The following LRP1B variants were observed in gnomAD, a reference collection of about 807,000 sequenced individuals.
LRP1B encodes LDL receptor related protein 1B.
Under a neutral mutation model 556.6 loss-of-function variants are expected in LRP1B, and 217 were observed. The ratio of observed to expected loss-of-function variants is 0.39; its 90% CI spans 0.35 to 0.44. LRP1B has a LOEUF of 0.44. LRP1B is among the 20% of genes least tolerant of loss of function. The pLI is 1.00. For synonymous variants in LRP1B, 2,047 were observed against 1,865.8 expected (o/e 1.10, Z -2.50); for missense variants, 5,053 against 5,620.8 (o/e 0.90, Z 3.23).
intron 3 of LRP1B, among the ~76,000 whole-genome samples, chr2:141,418,637 G>C (rs1027479817): frequency 1.3e-5 from 2 of 151,998 alleles, no homozygotes; most frequent in Admixed American, 1.3e-4. Flanking sequence ...CTGTAGCTCT[G>C]TAATTAATGT....
intron 3 of LRP1B, among the ~76,000 whole-genome samples, chr2:141,383,683 C>T (rs1246336646): frequency 6.6e-6 from 1 of 152,122 alleles, no homozygotes; most frequent in African/African-American, 2.4e-5. Context: ...CTTTAAAAGG[C>T]AGGAAACACT....
chr2:140,826,831 G>C (rs923571304), intron 31 of LRP1B, among the ~76,000 whole-genome samples: 1 of 152,050 alleles, frequency 6.6e-6, no homozygotes, highest in Admixed American at 6.6e-5. Flanking sequence ...AGGGGAGGTG[G>C]GATTAGAAAC....
intron 3 of LRP1B, among the ~76,000 whole-genome samples, chr2:141,257,320 T>C (rs1684507834): frequency 6.6e-6 from 1 of 152,180 alleles, no homozygotes; most frequent in African/African-American, 2.4e-5. Context: ...CTAATTCATG[T>C]AGTCTCTACC....
intron 27 of LRP1B, among the ~76,000 whole-genome samples, chr2:140,862,715 A>G (rs765193669): frequency 6.6e-6 from 1 of 152,188 alleles, no homozygotes; most frequent in African/African-American, 2.4e-5. Context: ...TGACTAGTCT[A>G]GAGAATGTCT....
chr2:141,727,824 T>C (rs1033273759), intron 2 of LRP1B, among the ~76,000 whole-genome samples: 16 of 152,096 alleles, frequency 1.1e-4, no homozygotes, highest in East Asian at 3.9e-4. Context: ...TATATATATA[T>C]ACACACACAT....
chr2:141,634,931 T>G (rs1689053823), intron 2 of LRP1B, among the ~76,000 whole-genome samples: 1 of 151,934 alleles, frequency 6.6e-6, no homozygotes, highest in African/African-American at 2.4e-5. Flanking sequence ...TTATTATGAT[T>G]GTAAAATGAC....
At chr2:141,091,487 C>T (rs888736203) in intron 7 of LRP1B, among the ~76,000 whole-genome samples, 4 of 152,212 alleles carry the variant, frequency 2.6e-5, no homozygotes, top group African/African-American at 7.2e-5. Context: ...TCTCCACGTG[C>T]ACAGTGATTT....
intron 11 of LRP1B, among the ~76,000 whole-genome samples, chr2:141,040,837 A>T (rs1213027060): frequency 1.3e-5 from 2 of 152,134 alleles, no homozygotes; most frequent in South Asian, 2.1e-4. Flanking sequence ...ATAAGCAATC[A>T]CATGAATATA....
At chr2:141,982,958 T>C (rs1702082971) in intron 1 of LRP1B, among the ~76,000 whole-genome samples, 1 of 152,192 alleles carries the variant, frequency 6.6e-6, no homozygotes, top group Non-Finnish European at 1.5e-5. Flanking sequence ...AGAGCTGATG[T>C]TATGACTAAT....
At chr2:141,499,050 G>A (rs535307859) in intron 2 of LRP1B, among the ~76,000 whole-genome samples, 2 of 152,196 alleles carry the variant, frequency 1.3e-5, no homozygotes, top group African/African-American at 4.8e-5. Context: ...AACTACAGAA[G>A]AGAATTCATT....
intron 2 of LRP1B, among the ~76,000 whole-genome samples, chr2:141,514,850 A>G (rs1413333556): frequency 6.6e-6 from 1 of 152,158 alleles, no homozygotes; most frequent in Non-Finnish European, 1.5e-5. Context: ...AGTAAAAAAC[A>G]CAGAATGATT....
chr2:141,823,808 AC>A (rs1188515262), intron 1 of LRP1B, among the ~76,000 whole-genome samples: 1 of 152,112 alleles, frequency 6.6e-6, no homozygotes, highest in Admixed American at 6.5e-5. Flanking sequence ...AGCTAGGACT[AC>A]AGGTGTCCAC....
At chr2:140,508,249 C>CT (rs1689503999) in intron 52 of LRP1B, among the ~76,000 whole-genome samples, 1 of 152,068 alleles carries the variant, frequency 6.6e-6, no homozygotes, top group Admixed American at 6.5e-5. Context: ...AATATTATCA[C>CT]TTTTTCTTGA....
chr2:141,583,963 C>T (rs1249457954), intron 2 of LRP1B, among the ~76,000 whole-genome samples: 1 of 151,618 alleles, frequency 6.6e-6, no homozygotes, highest in Non-Finnish European at 1.5e-5. Context: ...TGGTCTTGAT[C>T]TCCTGATCTC....
At chr2:140,387,863 A>G (rs949814704) in intron 66 of LRP1B, among the ~76,000 whole-genome samples, 4 of 152,136 alleles carry the variant, frequency 2.6e-5, no homozygotes, top group Non-Finnish European at 4.4e-5. Context: ...CAGTTATAAT[A>G]AACTCTAAAA....
intron 1 of LRP1B, among the ~76,000 whole-genome samples, chr2:142,093,393 CTTTGA>C (rs536181984): frequency 5.3e-5 from 8 of 152,148 alleles, no homozygotes; most frequent in South Asian, 2.1e-4. Flanking sequence ...CTTTATCTTA[CTTTGA>C]TTTAACACTT....
chr2:141,516,948 C>T (rs1325297660), intron 2 of LRP1B, among the ~76,000 whole-genome samples: 2 of 140,476 alleles, frequency 1.4e-5, no homozygotes, highest in East Asian at 4.2e-4. Flanking sequence ...CCGCCTGCCT[C>T]GGTCTCCCAA....
chr2:140,682,964 T>C (rs1029422805), intron 41 of LRP1B, among the ~76,000 whole-genome samples: 1 of 152,136 alleles, frequency 6.6e-6, no homozygotes, highest in Admixed American at 6.5e-5. Flanking sequence ...ATATGCAAAT[T>C]ACACAGAAAG....
At chr2:140,505,769 G>A (rs544875048) in intron 53 of LRP1B, among the ~76,000 whole-genome samples, 20 of 152,274 alleles carry the variant, frequency 1.3e-4, no homozygotes, top group Admixed American at 1.2e-3. Context: ...GGCTATAGAC[G>A]CTGCACAGGG....
Sources: gnomAD v4.1 joint callset for allele counts (sites outside exome capture counted in the v4.1 genomes callset) on GRCh38, gnomAD v4.1.1 for gene constraint, MANE v1.5 for transcripts, NCBI Gene and HGNC (gene_info 2026-07-23, HGNC 2026-07-21) for gene names.